The following SELP variants were observed in gnomAD, a reference collection of about 807,000 sequenced individuals.
The protein encoded by SELP is selectin P, also known as P-selectin.
Under a neutral mutation model 104.1 loss-of-function variants are expected in SELP, and 92 were observed. That is an observed-to-expected ratio of 0.88 (90% confidence interval 0.75 to 1.05). The LOEUF is 1.05. SELP is among the 50% of genes least tolerant of loss of function. The pLI, the probability that SELP is intolerant of heterozygous loss-of-function variation, is 0.00. For synonymous variants in SELP, 397 were observed against 364.5 expected (o/e 1.09, Z -1.01); for missense variants, 1,022 against 1,017.3 (o/e 1.00, Z -0.06).
At chr1:169,609,815 A>C in intron 7 of SELP, 126 bp from the exon 8 acceptor site, 2 of 863,120 alleles carry the variant, frequency 2.3e-6, no homozygotes, top group Non-Finnish European at 1.7e-6. Flanking sequence ...TAAAACCTCC[A>C]TTTTCCAAAA....
intron 10 of SELP, among the ~76,000 whole-genome samples, chr1:169,598,966 T>G (rs1277257620): frequency 6.6e-6 from 1 of 152,208 alleles, no homozygotes. Flanking sequence ...AGCATTAAAT[T>G]CATTTGGGGG....
chr1:169,594,558 T>C, intron 13 of SELP, 134 bp downstream of exon 13: 2 of 795,076 alleles, frequency 2.5e-6, no homozygotes, highest in Non-Finnish European at 4.0e-6. Context: ...CCTGATTCAT[T>C]GTGAAACACT....
In SELP at chr1:169,619,172, G is replaced by A. The variant is rs1271310302; in HGVS notation, c.51C>T (p.Val17=). The change falls in exon 2 of 17, where the codon GTC becomes GTT. Residue 17 remains valine, a synonymous_variant. Transcript: ENST00000263686. ...AILYQRFQRV[V]FGISQLLCFS... ...AGCAAAGGAGTTGGGAAATTCCAAAGACCACTCTCTGGAATCTCTGGTACA... is the reference window on the plus strand; with the variant it reads ...AGCAAAGGAGTTGGGAAATTCCAAAAACCACTCTCTGGAATCTCTGGTACA... 6.2e-7 allele frequency: 1 copy of A among 1,614,054 alleles called. No homozygotes were observed. Among genetic ancestry groups the A allele is most frequent in the African/African-American group, 1.3e-5 (1 of 75,062 alleles).
chr1:169,598,584 T>C (rs775943833), intron 10 of SELP, among the ~76,000 whole-genome samples: 6 of 152,216 alleles, frequency 3.9e-5, no homozygotes, highest in African/African-American at 1.4e-4. Flanking sequence ...ATCAAATCAA[T>C]TTACTAAACC....
intron 14 of SELP, among the ~76,000 whole-genome samples, chr1:169,592,809 T>C (rs1045241960): frequency 3.9e-5 from 6 of 152,178 alleles, no homozygotes; most frequent in African/African-American, 1.4e-4. Context: ...AGGGGCAGCT[T>C]CTTCTGCCCC....
At position 169,607,002 on chromosome 1, in the gene SELP, A is replaced by G. The variant is rs1476699861; in HGVS notation, c.1466T>C (p.Val489Ala). Residue 489 changes from valine to alanine, a missense_variant, in exon 9 of 17, where the codon GTG becomes GCG. By Grantham distance (64) the Val-to-Ala change is moderately conservative. Coordinates refer to ENST00000263686, the MANE Select transcript of SELP (RefSeq NM_003005.4). ...NEGLLLVGASVLQCLATGNWN... is the reference protein window; with the variant it reads ...NEGLLLVGASALQCLATGNWN... ...GTTTCCAGTAGCCAAGCACTGTAGC[A>G]CACTTGCTCCCACCAGGAGCAAGCC... 1 of 1,613,774 alleles carries G rather than the reference A, an allele frequency of 6.2e-7. No individual in the cohort carries two copies. Among genetic ancestry groups the G allele is most frequent in the Admixed American group, 1.7e-5 (1 of 59,984 alleles).
intron 6 of SELP, 113 bp from the exon 7 acceptor site, chr1:169,611,790 G>A (rs1469140759): frequency 1.6e-5 from 16 of 1,012,054 alleles, no homozygotes; most frequent in Non-Finnish European, 2.3e-5. Context: ...AAGATGTAAA[G>A]GTCAAGAGAC....
At chr1:169,608,657 A>T (rs1185399459) in intron 8 of SELP, among the ~76,000 whole-genome samples, 2 of 152,176 alleles carry the variant, frequency 1.3e-5, no homozygotes, top group African/African-American at 4.8e-5. Flanking sequence ...TGTTGTGATT[A>T]ATAGTGCTAT....
At chr1:169,603,981 A>G (rs958260761) in intron 9 of SELP, among the ~76,000 whole-genome samples, 1 of 152,216 alleles carries the variant, frequency 6.6e-6, no homozygotes, top group African/African-American at 2.4e-5. Flanking sequence ...TGGGATGGCT[A>G]GGTCAAATGG....
In SELP at chr1:169,606,968, A is replaced by G. The variant is rs1244102964; in HGVS notation, c.1500T>C (p.Ser500=). ...LQCLATGNWN[S]VPPECQAIPC... ...TCTTACCTTGGCATTCTGGAGGAAC[A>G]GAATTCCAGTTTCCAGTAGCCAAGC... The change falls in exon 9 of 17, where the codon TCT becomes TCC. Residue 500 remains serine (S), a synonymous_variant. Coordinates refer to ENST00000263686, the MANE Select transcript of SELP (RefSeq NM_003005.4). The G allele has an allele frequency of 1.2e-6, 2 of 1,613,366 alleles. No individual in the cohort carries two copies. Among genetic ancestry groups the G allele is most frequent in the Non-Finnish European group, 1.7e-6 (2 of 1,179,656 alleles).
At chr1:169,605,613 G>A (rs191176367) in intron 9 of SELP, among the ~76,000 whole-genome samples, 1 of 151,910 alleles carries the variant, frequency 6.6e-6, no homozygotes, top group Non-Finnish European at 1.5e-5. Flanking sequence ...CAAAGTGAAA[G>A]GTATGGCAAA....
At chr1:169,610,167 C>G (rs554291043) in intron 7 of SELP, among the ~76,000 whole-genome samples, 1 of 149,190 alleles carries the variant, frequency 6.7e-6, no homozygotes, top group Admixed American at 6.6e-5. Flanking sequence ...CAGGAAAATG[C>G]TGGACTTATA....
In SELP at chr1:169,611,638, G is replaced by A. The variant is rs769105401; in HGVS notation, c.1001C>T (p.Thr334Ile). 8 of 1,614,010 alleles carry A rather than the reference G, an allele frequency of 5.0e-6. No homozygotes were observed. The Admixed American group carries it at 8.3e-5, about 17-fold the overall frequency. Residue 334 changes from threonine (T) to isoleucine (I), a missense_variant, in exon 7 of 17, where the codon ACC becomes ATC. By Grantham distance (89) the Thr-to-Ile change is moderately conservative (BLOSUM62 -1). Coordinates refer to ENST00000263686, the MANE Select transcript of SELP (RefSeq NM_003005.4). ...AGTGAGCGGATGAACACAGTCCATG[G>A]TTCCTTCACTGGGGGCTTCCAGGTG... ...CQHLEAPSEG[T>I]MDCVHPLTAF...
rs147926344 is a variant in SELP, at chr1:169,623,867, C to T, written c.4-4648G>A. ...CTCCCCACCACTGAGACTCAGTGAGCGTAAATGATTTGCCCAAGCTTGCTC... is the reference window on the plus strand; with the variant it reads ...CTCCCCACCACTGAGACTCAGTGAGTGTAAATGATTTGCCCAAGCTTGCTC... On this transcript the variant is annotated intron_variant, in intron 1 of 16. Transcript: ENST00000263686. Among the ~76,000 whole-genome samples, 197 of 152,244 alleles carry T rather than the reference C, an allele frequency of 1.3e-3. 3 individuals are homozygous for T. The highest frequency in any genetic ancestry group is 4.5e-3 in the African/African-American group (186 of 41,544).
At chr1:169,625,907 C>T (rs565148981) in intron 1 of SELP, among the ~76,000 whole-genome samples, 1 of 152,084 alleles carries the variant, frequency 6.6e-6, no homozygotes, top group Admixed American at 6.5e-5. Context: ...AACAAGTAAA[C>T]ATGAAAAATA....
At chr1:169,593,049 G>A (rs1445386018) in intron 14 of SELP, among the ~76,000 whole-genome samples, 1 of 152,098 alleles carries the variant, frequency 6.6e-6, no homozygotes, top group Non-Finnish European at 1.5e-5. Context: ...CCTAGTCTAT[G>A]TTCTAATAAT....
chr1:169,622,006 G>T (rs1447722304), intron 1 of SELP, among the ~76,000 whole-genome samples: 1 of 152,204 alleles, frequency 6.6e-6, no homozygotes, highest in Non-Finnish European at 1.5e-5. Flanking sequence ...AATTAAATCT[G>T]TATTCAGATT....
Position 169,617,418 on chromosome 1 carries a change from G to C in SELP, c.95-4C>G. On this transcript the variant is annotated splice_region_variant and splice_polypyrimidine_tract_variant and intron_variant, in intron 2 of 16. Coordinates refer to ENST00000263686, the MANE Select transcript of SELP (RefSeq NM_003005.4). ...ACTTCTTTCTGGTTTGTTAGTTCTA[G>C]AGTAAAGGAGAGTGAGTGCCAGGTT... 1.2e-6 allele frequency: 2 copies of C among 1,612,160 alleles called. No individual in the cohort carries two copies. Among genetic ancestry groups the C allele is most frequent in the South Asian group, 1.1e-5 (1 of 90,934 alleles).
intron 12 of SELP, 106 bp downstream of exon 12, chr1:169,595,819 G>T: frequency 1.1e-6 from 1 of 890,700 alleles, no homozygotes; most frequent in Non-Finnish European, 1.8e-6. Context: ...GATGACACTT[G>T]GAGTAGTGGT....
Sources: allele counts gnomAD v4.1 joint callset (sites outside exome capture counted in the v4.1 genomes callset), GRCh38; gene constraint gnomAD v4.1.1; transcripts MANE v1.5; gene names NCBI Gene and HGNC (gene_info 2026-07-23, HGNC 2026-07-21).